GRID2: variants seen among roughly 807,000 people sequenced by gnomAD.
The protein encoded by GRID2 is glutamate ionotropic receptor delta type subunit 2, also known as glutamate receptor ionotropic, delta-2.
Under a neutral mutation model 114.8 loss-of-function variants are expected in GRID2, and 33 were observed. The ratio of observed to expected loss-of-function variants is 0.29; its 90% CI spans 0.22 to 0.38. The LOEUF (loss-of-function observed/expected upper bound fraction) is 0.38. GRID2 is among the 10% of genes least tolerant of loss of function. The pLI is 1.00. For missense variants in GRID2, 1,184 were observed against 1,257.7 expected (o/e 0.94, Z 0.89); for synonymous variants, 505 against 449.9 (o/e 1.12, Z -1.55).
intron 13 of GRID2, among the ~76,000 whole-genome samples, chr4:93,555,617 T>G (rs1016572613): frequency 6.6e-6 from 1 of 152,194 alleles, no homozygotes; most frequent in Non-Finnish European, 1.5e-5. Flanking sequence ...CAGGGGCTTA[T>G]AGATAAAACT....
In GRID2 at chr4:92,952,559, G is replaced by A. The variant is rs17020033; in HGVS notation, c.245-132436G>A. 2.3e-3 allele frequency among the ~76,000 whole-genome samples: 348 copies of A among 152,222 alleles called. 1 individual carries two copies. The highest frequency in any genetic ancestry group is 7.9e-3 in the African/African-American group (327 of 41,568). On this transcript the variant is annotated intron_variant, in intron 2 of 15. Transcript: ENST00000282020. Reference sequence around the variant, plus strand: ...TTCTACACAAAAGGTTCATAGTCTAGTACAATTATATTAAGAGGTGGTATT... The same window carrying A: ...TTCTACACAAAAGGTTCATAGTCTAATACAATTATATTAAGAGGTGGTATT...
chr4:92,474,285 T>G (rs996460617), intron 1 of GRID2, among the ~76,000 whole-genome samples: 9 of 152,066 alleles, frequency 5.9e-5, no homozygotes, highest in African/African-American at 2.2e-4. Flanking sequence ...TCTTTCTATG[T>G]CTGGCTTATT....
intron 1 of GRID2, among the ~76,000 whole-genome samples, chr4:93,785,869 G>C (rs536003509): frequency 5.3e-5 from 8 of 152,262 alleles, no homozygotes; most frequent in Admixed American, 5.2e-4. Flanking sequence ...ATACTAGAGA[G>C]AGCTGTAGTG....
At chr4:93,243,066 ATATT>A (rs1747731274) in intron 8 of GRID2, among the ~76,000 whole-genome samples, 1 of 151,998 alleles carries the variant, frequency 6.6e-6, no homozygotes. Flanking sequence ...GGCACTATAA[ATATT>A]TATTCCATGG....
chr4:93,143,422 A>G (rs1735934054), intron 4 of GRID2, among the ~76,000 whole-genome samples: 1 of 152,172 alleles, frequency 6.6e-6, no homozygotes, highest in African/African-American at 2.4e-5. Flanking sequence ...TCATCTTTAT[A>G]TAGGAGGCCA....
intron 2 of GRID2, among the ~76,000 whole-genome samples, chr4:92,945,124 T>C (rs1306480867): frequency 1.3e-5 from 2 of 152,188 alleles, no homozygotes; most frequent in Non-Finnish European, 2.9e-5. Flanking sequence ...CAGTGACTTA[T>C]TGTGTAATGC....
chr4:92,653,992 G>A (rs1732106360), intron 2 of GRID2, among the ~76,000 whole-genome samples: 1 of 152,120 alleles, frequency 6.6e-6, no homozygotes, highest in Non-Finnish European at 1.5e-5. Context: ...GTGGAAAGAG[G>A]ATGGCTGACA....
At chr4:93,018,296 A>G (rs1310466652) in intron 2 of GRID2, among the ~76,000 whole-genome samples, 6 of 150,852 alleles carry the variant, frequency 4.0e-5, no homozygotes, top group Non-Finnish European at 7.4e-5. Flanking sequence ...ACTTTTTTAT[A>G]TAAAATGGCA....
rs1751162963 is a variant in GRID2, at chr4:93,269,168, T to C, written c.1245+30678T>C. ...AATATCCATGTCTGGAATAAAATTA[T>C]AGTCAGTTTAATGCAGTGATTCTTA... On this transcript the variant is annotated intron_variant, in intron 8 of 15. Transcript: ENST00000282020. 2.0e-5 allele frequency among the ~76,000 whole-genome samples: 3 copies of C among 152,302 alleles called. No homozygotes were observed. The South Asian group carries it at 6.2e-4, about 32-fold the overall frequency.
chr4:92,785,639 C>A (rs550360264), intron 2 of GRID2, among the ~76,000 whole-genome samples: 1 of 151,772 alleles, frequency 6.6e-6, no homozygotes, highest in African/African-American at 2.4e-5. Flanking sequence ...GAAACTAAGT[C>A]ACAAAAGAGA....
At chr4:93,579,105 A>G (rs1240802710) in intron 13 of GRID2, among the ~76,000 whole-genome samples, 5 of 152,062 alleles carry the variant, frequency 3.3e-5, no homozygotes. Flanking sequence ...TTCACAGCTC[A>G]TTATTGGTTA....
chr4:92,827,148 T>A (rs1275661010), intron 2 of GRID2, among the ~76,000 whole-genome samples: 3 of 152,020 alleles, frequency 2.0e-5, no homozygotes, highest in African/African-American at 7.2e-5. Context: ...AATCCACTTA[T>A]CCTCTATTAA....
intron 14 of GRID2, among the ~76,000 whole-genome samples, chr4:93,661,851 T>C (rs1723526175): frequency 6.6e-6 from 1 of 152,190 alleles, no homozygotes; most frequent in African/African-American, 2.4e-5. Flanking sequence ...GTTCTTATTA[T>C]ATAAACCGTA....
At chr4:93,560,758 G>T (rs988166467) in intron 13 of GRID2, among the ~76,000 whole-genome samples, 1 of 152,056 alleles carries the variant, frequency 6.6e-6, no homozygotes, top group Non-Finnish European at 1.5e-5. Context: ...GAGATTACAG[G>T]CATGAGCCAT....
intron 1 of GRID2, among the ~76,000 whole-genome samples, chr4:92,373,450 T>G (rs1423524182): frequency 6.6e-6 from 1 of 152,224 alleles, no homozygotes; most frequent in East Asian, 1.9e-4. Flanking sequence ...TCTAACAATG[T>G]TGTAGCCTGG....
intron 14 of GRID2, among the ~76,000 whole-genome samples, chr4:93,633,105 A>G (rs755212071): frequency 1.3e-5 from 2 of 152,004 alleles, no homozygotes; most frequent in Admixed American, 6.6e-5. Context: ...AAAGAGTAGA[A>G]CAAATCACAA....
intron 3 of GRID2, among the ~76,000 whole-genome samples, chr4:93,110,053 T>C (rs897730409): frequency 6.6e-6 from 1 of 152,186 alleles, no homozygotes; most frequent in African/African-American, 2.4e-5. Flanking sequence ...AAATGTTACT[T>C]AATATTTTCT....
chr4:92,673,808 C>T (rs1441475213), intron 2 of GRID2, among the ~76,000 whole-genome samples: 1 of 151,822 alleles, frequency 6.6e-6, no homozygotes, highest in Non-Finnish European at 1.5e-5. Context: ...GAACATCACA[C>T]ACCAGGGCCT....
At chr4:92,457,523 G>A (rs977907150) in intron 1 of GRID2, among the ~76,000 whole-genome samples, 2 of 152,016 alleles carry the variant, frequency 1.3e-5, no homozygotes, top group Non-Finnish European at 2.9e-5. Flanking sequence ...TACACAAGTC[G>A]GACTTAAGTA....
Sources: allele counts gnomAD v4.1 joint callset (sites outside exome capture counted in the v4.1 genomes callset), GRCh38; gene constraint gnomAD v4.1.1; transcripts MANE v1.5; gene names NCBI Gene and HGNC (gene_info 2026-07-23, HGNC 2026-07-21).